The following MYO1B variants were observed in gnomAD, a reference collection of about 807,000 sequenced individuals.
MYO1B encodes the protein myosin IB.
In MYO1B, 72 loss-of-function variants were observed where a neutral mutation model predicts 159.7. That is an observed-to-expected ratio of 0.45 (90% confidence interval 0.37 to 0.55). MYO1B has a LOEUF of 0.55. MYO1B is among the 20% of genes least tolerant of loss of function. The probability of loss-of-function intolerance (pLI) is 0.00; values close to 1 mark genes in which losing one functional copy is unlikely to be tolerated. For synonymous variants in MYO1B, 468 were observed against 473.8 expected (o/e 0.99, Z 0.16); for missense variants, 1,062 against 1,364.8 (o/e 0.78, Z 3.50).
chr2:191,383,151 C>G, intron 14 of MYO1B, 129 bp from the exon 15 acceptor site: 1 of 533,350 alleles, frequency 1.9e-6, no homozygotes, highest in Non-Finnish European at 3.3e-6. Flanking sequence ...ATTTGCAGTA[C>G]CCATTCTATA....
intron 1 of MYO1B, chr2:191,263,365 A>G (rs1054185070): frequency 4.1e-6 from 4 of 983,222 alleles, no homozygotes; most frequent in Non-Finnish European, 4.8e-6. Context: ...AATCAGTGGA[A>G]AAAGCAATGG....
chr2:191,396,304 G>C, intron 20 of MYO1B, 125 bp from the exon 21 acceptor site: 1 of 907,396 alleles, frequency 1.1e-6, no homozygotes, highest in Non-Finnish European at 1.7e-6. Context: ...TTTATGTATT[G>C]GTTTCCAGAA....
At chr2:191,385,367 AT>A (rs2126084750) in intron 15 of MYO1B, among the ~76,000 whole-genome samples, 1 of 152,300 alleles carries the variant, frequency 6.6e-6, no homozygotes, top group African/African-American at 2.4e-5. Flanking sequence ...AAATCACAGC[AT>A]TTTTTTCTAG....
At chr2:191,333,021 T>C (rs1334965070) in intron 4 of MYO1B, among the ~76,000 whole-genome samples, 1 of 152,250 alleles carries the variant, frequency 6.6e-6, no homozygotes, top group Non-Finnish European at 1.5e-5. Flanking sequence ...GCCAGCCTCC[T>C]GTCTTTATTT....
intron 2 of MYO1B, among the ~76,000 whole-genome samples, chr2:191,294,564 C>A (rs969125063): frequency 1.3e-5 from 2 of 152,156 alleles, no homozygotes; most frequent in African/African-American, 2.4e-5. Flanking sequence ...GAGACATCTC[C>A]CATCTCCTAG....
At chr2:191,312,037 G>A (rs992217207) in intron 3 of MYO1B, among the ~76,000 whole-genome samples, 1 of 151,858 alleles carries the variant, frequency 6.6e-6, no homozygotes, top group Admixed American at 6.5e-5. Flanking sequence ...GCATAGCTTA[G>A]GTAGCATAGA....
At chr2:191,245,809 G>C (rs1685748355) in intron 1 of MYO1B, 183 bp downstream of exon 1, 1 of 152,130 alleles carries the variant, frequency 6.6e-6, no homozygotes, top group Non-Finnish European at 1.5e-5. Flanking sequence ...AACGGCGCAC[G>C]CTGTAGGTTG....
chr2:191,412,766 C>A (rs1486054834), intron 27 of MYO1B, among the ~76,000 whole-genome samples: 1 of 152,120 alleles, frequency 6.6e-6, no homozygotes. Context: ...CTGAAAGAGT[C>A]CCCCGACAAG....
chr2:191,249,542 G>T (rs1421610083), intron 1 of MYO1B, among the ~76,000 whole-genome samples: 2 of 152,192 alleles, frequency 1.3e-5, no homozygotes, highest in East Asian at 3.8e-4. Flanking sequence ...TGTCCTTAGG[G>T]TGGCACTGAG....
At chr2:191,252,714 G>T (rs901920103) in intron 1 of MYO1B, among the ~76,000 whole-genome samples, 1 of 152,158 alleles carries the variant, frequency 6.6e-6, no homozygotes, top group African/African-American at 2.4e-5. Context: ...GTAACCTCTT[G>T]CTTAGTTTTC....
chr2:191,278,247 C>T (rs1306483155), intron 2 of MYO1B, among the ~76,000 whole-genome samples: 1 of 152,220 alleles, frequency 6.6e-6, no homozygotes, highest in African/African-American at 2.4e-5. Context: ...TCACAGATGG[C>T]GCCTTCTAAC....
rs764880931 is a variant in MYO1B, at chr2:191,387,367, G to A, written c.1698G>A (p.Arg566=). Residue 566 remains arginine, a synonymous_variant, in exon 17 of 31, where the codon AGG becomes AGA. Transcript: ENST00000392318. ...EGNPAKINLK[R]PPTAGSQFKA... is the part of the protein sequence containing the mutation. ...ATCCCGCCAAGATCAACCTGAAAAG[G>A]CCTCCTACAGCAGGCTCACAGTTCA... The A allele has an allele frequency of 4.3e-6, 7 of 1,614,092 alleles. No individual in the cohort carries two copies. The highest frequency in any genetic ancestry group is 5.1e-6 in the Non-Finnish European group (6 of 1,180,006).
At position 191,362,286 on chromosome 2, in the gene MYO1B, G is replaced by C. The variant is rs372393246; in HGVS notation, c.680G>C (p.Arg227Thr). 233 of 1,613,572 alleles carry C rather than the reference G, an allele frequency of 1.4e-4. No individual in the cohort carries two copies. Among genetic ancestry groups the C allele is most frequent in the Non-Finnish European group, 1.9e-4 (228 of 1,179,724 alleles). ...EELLNKLKLE[R>T]DFSRYNYLSL... ...TCAATAGATAAACTTAAGCTTGAGA[G>C]GGATTTCAGCAGGTATAACTACCTG... The change falls in exon 9 of 31, where the codon AGG (arginine) becomes ACG (threonine). Residue 227 changes from arginine to threonine, a missense_variant. This residue lies in a region of MYO1B where 415 missense variants were observed against 544.0 expected (regional missense o/e 0.76). Coordinates refer to ENST00000392318, the MANE Select transcript of MYO1B (RefSeq NM_001130158.3).
chr2:191,368,833 G>C (rs975982042), intron 11 of MYO1B, among the ~76,000 whole-genome samples: 1 of 152,018 alleles, frequency 6.6e-6, no homozygotes, highest in Non-Finnish European at 1.5e-5. Flanking sequence ...AATTAGCCAC[G>C]CGTGGTGGCA....
intron 5 of MYO1B, among the ~76,000 whole-genome samples, chr2:191,341,932 GAGGGCTCACCC>G (rs1448126861): frequency 4.6e-5 from 7 of 151,922 alleles, no homozygotes; most frequent in Non-Finnish European, 8.8e-5. Context: ...TTAGAGAAAT[GAGGGCTCACCC>G]CGAGAAACAC....
chr2:191,406,247 TTA>T (rs1696910121), intron 24 of MYO1B, among the ~76,000 whole-genome samples: 1 of 152,256 alleles, frequency 6.6e-6, no homozygotes, highest in Admixed American at 6.5e-5. Flanking sequence ...TGGTTTGATC[TTA>T]TATCTAGACC....
At chr2:191,327,756 A>G (rs1479094916) in intron 3 of MYO1B, among the ~76,000 whole-genome samples, 3 of 152,342 alleles carry the variant, frequency 2.0e-5, no homozygotes, top group African/African-American at 4.8e-5. Context: ...ATCAGTGCAC[A>G]TTGTTCAAAG....
intron 13 of MYO1B, among the ~76,000 whole-genome samples, chr2:191,372,408 T>G (rs1694416856): frequency 6.6e-6 from 1 of 152,200 alleles, no homozygotes; most frequent in South Asian, 2.1e-4. Flanking sequence ...AAAGAAACAC[T>G]TATAACACTC....
intron 23 of MYO1B, among the ~76,000 whole-genome samples, chr2:191,401,054 G>C (rs185529816): frequency 6.6e-6 from 1 of 152,192 alleles, no homozygotes; most frequent in Admixed American, 6.5e-5. Flanking sequence ...TACTAAAAAG[G>C]CACTAGTATC....
Sources: allele counts gnomAD v4.1 joint callset (sites outside exome capture counted in the v4.1 genomes callset), GRCh38; gene constraint gnomAD v4.1.1; regional missense constraint gnomAD v4.1.1; transcripts MANE v1.5; gene names NCBI Gene and HGNC (gene_info 2026-07-23, HGNC 2026-07-21).